VEGFB: variants seen among roughly 807,000 people sequenced by gnomAD.
VEGFB encodes the protein vascular endothelial growth factor B, also known as VEGF-related factor.
A neutral mutation model predicts 22.5 loss-of-function variants in VEGFB; 24 were observed. That is an observed-to-expected ratio of 1.07 (90% CI 0.77 to 1.50). The LOEUF (loss-of-function observed/expected upper bound fraction) is 1.50. Among genes scored for constraint, VEGFB ranks in the 40% most tolerant of loss-of-function variants. The pLI is 0.00. For synonymous variants in VEGFB, 141 were observed against 117.4 expected (o/e 1.20, Z -1.30); for missense variants, 327 against 287.8 (o/e 1.14, Z -0.99).
At position 64,236,003 on chromosome 11, in the gene VEGFB, G is replaced by A. The variant is rs1035450073; in HGVS notation, c.294G>A (p.Arg98=). 6.3e-7 allele frequency: 1 copy of A among 1,589,438 alleles called. No homozygotes were observed. The highest frequency in any genetic ancestry group is 1.3e-5 in the African/African-American group (1 of 74,482). ...ECVPTGQHQV[R]MQILMIRYPS... ...TGCCCACTGGGCAGCACCAAGTCCG[G>A]ATGCAGGTACTGGGCAGGTGGGGCA... Residue 98 remains arginine (R), a synonymous_variant, in exon 3 of 7, where the codon CGG becomes CGA. Coordinates refer to ENST00000309422, the MANE Select transcript of VEGFB (RefSeq NM_003377.5).
Position 64,239,161 on chromosome 11 carries a change from A to C in VEGFB, c.*828A>C, listed in dbSNP as rs748173672. Among the ~76,000 whole-genome samples the C allele has an allele frequency of 2.6e-5, 4 of 152,290 alleles. No individual in the cohort carries two copies. The highest frequency in any genetic ancestry group is 4.4e-5 in the Non-Finnish European group (3 of 68,024). ...TGAGCAGCAGTTTCCACATGTGCAC[A>C]TAGAGGGAACAGAAGATTGCTGTGG... On this transcript the variant is annotated 3_prime_UTR_variant, in exon 7 of 7. Transcript: ENST00000309422.
At position 64,238,922 on chromosome 11, in the gene VEGFB, AG is replaced by A. The variant is rs2030276949; in HGVS notation, c.*590del. The A allele has an allele frequency of 6.2e-6, 1 of 160,886 alleles. No homozygotes were observed. The allele number at this position is 160,886 out of a possible 1,614,324, so 10.0% of individuals were successfully genotyped here. A position where few individuals can be genotyped will look rare whatever the true frequency, so the allele number is the denominator to read the frequency against. On this transcript the variant is annotated 3_prime_UTR_variant, in exon 7 of 7. Coordinates refer to ENST00000309422, the MANE Select transcript of VEGFB (RefSeq NM_003377.5). ...GAGGAAATGAGGACTAAGGCCCCACAGCAGATCCCAGGCAGGGCCAGAATTA... is the reference window on the plus strand; with the variant it reads ...GAGGAAATGAGGACTAAGGCCCCACACAGATCCCAGGCAGGGCCAGAATTA...
chr11:64,234,713 C>A lies in VEGFB; in HGVS notation c.-121C>A. 1 of 195,394 alleles carries A rather than the reference C, an allele frequency of 5.1e-6. No homozygotes were observed. The highest frequency in any genetic ancestry group is 1.6e-4 in the South Asian group (1 of 6,350). The allele number at this position is 195,394 out of a possible 1,614,324, so 12.1% of individuals were successfully genotyped here. ...AGGGGGCCGCGGAGGAGTCGCCCCC[C>A]GCGCCCGGCCCCCGCCCGCCGCGCC... On this transcript the variant is annotated 5_prime_UTR_variant, in exon 1 of 7. Transcript: ENST00000309422. This position sits in a 1 kb window ranked among gnomAD's most constrained non-coding sequence, Gnocchi z 5.3.
chr11:64,237,391 A>T, intron 5 of VEGFB, 29 bp from the exon 6 acceptor site: 1 of 1,551,726 alleles, frequency 6.4e-7, no homozygotes, highest in Non-Finnish European at 8.8e-7. Flanking sequence ...CTTCCTTCCC[A>T]CCCCAGACAT....
rs1565318108 is a variant in VEGFB at position 64,237,127 on chromosome 11, G to GAGAGAGAGAGAGATAT, written c.375-59_375-58insGAGAGAGAGAGATATA. 3 of 813,042 alleles carry GAGAGAGAGAGAGATAT rather than the reference G, an allele frequency of 3.7e-6. No homozygotes were observed. In the African/African-American group the frequency reaches 6.3e-5, roughly 17 times the overall value. 50.4% of individuals were successfully genotyped at this position (813,042 alleles called of 1,614,324 possible). A position where few individuals can be genotyped will look rare whatever the true frequency, so the allele number is the denominator to read the frequency against. On this transcript the variant is annotated intron_variant, in intron 4 of 6. Coordinates refer to ENST00000309422, the MANE Select transcript of VEGFB (RefSeq NM_003377.5). ...AGAGAGAGAGAGAGAGAGAGAGTAG[G>GAGAGAGAGAGAGATAT]ATGCTGGGATTTCCTGATCTTCCTC...
intron 5 of VEGFB, 58 bp from the exon 6 acceptor site, chr11:64,237,362 C>G: frequency 6.5e-7 from 1 of 1,536,376 alleles, no homozygotes; most frequent in Non-Finnish European, 8.9e-7. Flanking sequence ...CTGCCCCGAC[C>G]CCAGCTCTAG....
Position 64,238,655 on chromosome 11 carries a change from C to T in VEGFB, c.*322C>T. 3.7e-6 allele frequency: 2 copies of T among 545,978 alleles called. No homozygotes were observed. Among genetic ancestry groups the T allele is most frequent in the South Asian group, 2.1e-5 (1 of 47,904 alleles). 33.8% of individuals were successfully genotyped at this position (545,978 alleles called of 1,614,324 possible). A position where few individuals can be genotyped will look rare whatever the true frequency, so the allele number is the denominator to read the frequency against. On this transcript the variant is annotated 3_prime_UTR_variant, in exon 7 of 7. Coordinates refer to ENST00000309422, the MANE Select transcript of VEGFB (RefSeq NM_003377.5). Reference sequence around the variant, plus strand: ...ATGGAGTACTGTCTCAGTTTCTAACCACTCTGTGCAAGTAAGCATCTTACA... The same window carrying T: ...ATGGAGTACTGTCTCAGTTTCTAACTACTCTGTGCAAGTAAGCATCTTACA...
At chr11:64,236,442 G>T (rs536860820) in intron 4 of VEGFB, 115 bp downstream of exon 4, 21 of 1,040,288 alleles carry the variant, frequency 2.0e-5, no homozygotes, top group African/African-American at 1.9e-4. Context: ...GGGGCCGGGC[G>T]TGGTAGCTCA....
chr11:64,234,994 G>T lies in VEGFB; in HGVS notation c.60+101G>T. 1 of 1,034,802 alleles carries T rather than the reference G, an allele frequency of 9.7e-7. No homozygotes were observed. Among genetic ancestry groups the T allele is most frequent in the Non-Finnish European group, 1.2e-6 (1 of 811,022 alleles). 64.1% of individuals were successfully genotyped at this position (1,034,802 alleles called of 1,614,324 possible). A position where few individuals can be genotyped will look rare whatever the true frequency, so the allele number is the denominator to read the frequency against. On this transcript the variant is annotated intron_variant, in intron 1 of 6. Transcript: ENST00000309422. The surrounding 1 kb of genome is among the most constrained non-coding windows in gnomAD (Gnocchi z 5.3). ...CGCGGCCTCGGCCGAGGGGATCTGC[G>T]GGGTCCGGCCTTGGACGCGGGCGTC...
chr11:64,237,190 T>TAAA lies in VEGFB; in HGVS notation c.384_386dup (p.Lys129dup), dbSNP rs747177567. 1 of 1,600,908 alleles carries TAAA rather than the reference T, an allele frequency of 6.2e-7. No individual in the cohort carries two copies. Among genetic ancestry groups the TAAA allele is most frequent in the Admixed American group, 1.7e-5 (1 of 59,628 alleles). On this transcript the variant is annotated inframe_insertion, in exon 5 of 7. Transcript: ENST00000309422. ...GTCTGTCTATCTTACTTTTCAGACC[T>TAAA]AAAAAAAAGGACAGTGCTGTGAAGC...
Position 64,238,505 on chromosome 11 carries a change from G to A in VEGFB, c.*172G>A, listed in dbSNP as rs2030260305. 8.5e-7 allele frequency: 1 copy of A among 1,183,298 alleles called. No individual in the cohort carries two copies. Among genetic ancestry groups the A allele is most frequent in the African/African-American group, 1.5e-5 (1 of 65,426 alleles). 73.3% of individuals were successfully genotyped at this position (1,183,298 alleles called of 1,614,324 possible). ...TCAGCCCAGGCAGAAGCTGCTCTAG[G>A]ACCTGGGCCTCTCAGAGGGCTCTTC... On this transcript the variant is annotated 3_prime_UTR_variant, in exon 7 of 7. Transcript: ENST00000309422.
At chr11:64,236,538 A>T (rs992424620) in intron 4 of VEGFB, among the ~76,000 whole-genome samples, 1 of 151,358 alleles carries the variant, frequency 6.6e-6, no homozygotes, top group African/African-American at 2.4e-5. Flanking sequence ...ACATGGTAAA[A>T]ACCTGTCTCT....
rs199749581 is a variant in VEGFB, at chr11:64,237,562, G to A, written c.553G>A (p.Ala185Thr). 5.3e-4 allele frequency: 850 copies of A among 1,597,356 alleles called. No individual in the cohort carries two copies. The highest frequency in any genetic ancestry group is 1.6e-3 in the African/African-American group (117 of 74,814). ...SAHAAPSTTSALTPGPAAAAA... is the reference protein window; with the variant it reads ...SAHAAPSTTSTLTPGPAAAAA... ...CCACGCTGCACCCAGCACCACCAGCGCCCTGACCCCCGGACCTGCCGCTGC... is the reference window on the plus strand; with the variant it reads ...CCACGCTGCACCCAGCACCACCAGCACCCTGACCCCCGGACCTGCCGCTGC... The change falls in exon 6 of 7, where the codon GCC (alanine) becomes ACC (threonine). Residue 185 changes from alanine to threonine, a missense_variant. Physicochemically the swap from Ala to Thr is moderately conservative, Grantham distance 58. Transcript: ENST00000309422.
At chr11:64,235,066 G>GGCCCGCCA (rs1411166729) in intron 1 of VEGFB, among the ~76,000 whole-genome samples, 173 bp downstream of exon 1, 1 of 151,714 alleles carries the variant, frequency 6.6e-6, no homozygotes, top group Non-Finnish European at 1.5e-5. Flanking sequence ...CCTCCCCGCT[G>GGCCCGCCA]GCCCGCCAGC....
intron 1 of VEGFB, 77 bp from the exon 2 acceptor site, chr11:64,235,381 G>A: frequency 1.4e-6 from 2 of 1,417,516 alleles, no homozygotes; most frequent in South Asian, 1.2e-5. Context: ...CTGATGCAAG[G>A]GCAAAGCCCC....
rs181584898 is a variant in VEGFB, at chr11:64,237,573, C to A, written c.564C>A (p.Pro188=). The change falls in exon 6 of 7, where the codon CCC becomes CCA. Residue 188 remains proline (P), a synonymous_variant. Coordinates refer to ENST00000309422, the MANE Select transcript of VEGFB (RefSeq NM_003377.5). ...CCAGCACCACCAGCGCCCTGACCCC[C>A]GGACCTGCCGCTGCCGCTGCCGACG... The part of the protein sequence containing the change: ...AAPSTTSALT[P]GPAAAAADAA... 2 of 1,596,560 alleles carry A rather than the reference C, an allele frequency of 1.3e-6. No individual in the cohort carries two copies. Among genetic ancestry groups the A allele is most frequent in the Non-Finnish European group, 1.7e-6 (2 of 1,175,466 alleles).
rs915517036 is a variant in VEGFB at position 64,236,107 on chromosome 11, C to G, written c.300+98C>G. 4.6e-6 allele frequency: 7 copies of G among 1,522,846 alleles called. No homozygotes were observed. The East Asian group carries it at 1.6e-4, about 36-fold the overall frequency. The allele number at this position is 1,522,846 out of a possible 1,614,324, so 94.3% of individuals were successfully genotyped here. On this transcript the variant is annotated intron_variant, in intron 3 of 6. Transcript: ENST00000309422. ...TGGCTGGCTCTGGGGCTGGGGCAGCCTGGAGACTGATGCACAGGAGACAGG... is the reference window on the plus strand; with the variant it reads ...TGGCTGGCTCTGGGGCTGGGGCAGCGTGGAGACTGATGCACAGGAGACAGG...
At chr11:64,235,131 C>T (rs1332524327) in intron 1 of VEGFB, among the ~76,000 whole-genome samples, 1 of 152,086 alleles carries the variant, frequency 6.6e-6, no homozygotes, top group Non-Finnish European at 1.5e-5. Flanking sequence ...CCGCCGGGGG[C>T]GGGGCTCCCT....
Position 64,235,917 on chromosome 11 carries a change from C to T in VEGFB, c.208C>T (p.Pro70Ser). 1 of 1,613,592 alleles carries T rather than the reference C, an allele frequency of 6.2e-7. No individual in the cohort carries two copies. The highest frequency in any genetic ancestry group is 8.5e-7 in the Non-Finnish European group (1 of 1,179,958). The change falls in exon 3 of 7, where the codon CCC becomes TCC. Residue 70 changes from proline to serine, a missense_variant. By Grantham distance (74) the Pro-to-Ser change is moderately conservative. Coordinates refer to ENST00000309422, the MANE Select transcript of VEGFB (RefSeq NM_003377.5). ...GGGCACCGTGGCCAAACAGCTGGTGCCCAGCTGCGTGACTGTGCAGCGCTG... is the reference window on the plus strand; with the variant it reads ...GGGCACCGTGGCCAAACAGCTGGTGTCCAGCTGCGTGACTGTGCAGCGCTG... ...LMGTVAKQLVPSCVTVQRCGG... is the reference protein window; with the variant it reads ...LMGTVAKQLVSSCVTVQRCGG...
Sources: allele counts gnomAD v4.1 joint callset (sites outside exome capture counted in the v4.1 genomes callset), GRCh38; gene constraint gnomAD v4.1.1; non-coding constraint Gnocchi (gnomAD v3.1); transcripts MANE v1.5; gene names NCBI Gene and HGNC (gene_info 2026-07-23, HGNC 2026-07-21).